AGAP1: variants seen among roughly 807,000 people sequenced by gnomAD.
The protein encoded by AGAP1 is arf-GAP with GTPase, ANK repeat and PH domain-containing protein 1.
In AGAP1, 29 loss-of-function variants were observed where a neutral mutation model predicts 105.3. The observed-to-expected ratio is 0.28, with a 90% CI of 0.21 to 0.38. The LOEUF is 0.38. AGAP1 is among the 10% of genes least tolerant of loss of function. AGAP1 has a pLI of 1.00. For missense variants in AGAP1, 998 were observed against 1,165.1 expected (o/e 0.86, Z 2.09); for synonymous variants, 509 against 485.9 (o/e 1.05, Z -0.63).
rs79577742 is a variant in AGAP1 at position 235,779,662 on chromosome 2, G to T, written c.674-18097G>T. 3.0e-3 allele frequency among the ~76,000 whole-genome samples: 455 copies of T among 152,292 alleles called. 8 individuals carry two copies. Among genetic ancestry groups the T allele is most frequent in the Admixed American group, 0.021 (326 of 15,298 alleles). On this transcript the variant is annotated intron_variant, in intron 6 of 17. Transcript: ENST00000304032. ...TTGGGGCTGAGGCTCAGACATCCCT[G>T]CCCCTGGTTTCCTTCAGGTGAGATC...
Position 235,535,649 on chromosome 2 carries a change from C to T in AGAP1, c.163+40800C>T, listed in dbSNP as rs917786165. On this transcript the variant is annotated intron_variant, in intron 1 of 17. Transcript: ENST00000304032. The surrounding 1 kb of genome is among the most constrained non-coding windows in gnomAD (Gnocchi z 5.1). Reference sequence around the variant, plus strand: ...CTGTGCCAGGCACCCGCGTCGCGCTCCAGCTCCAGCCCTTTAATGCTCTTT... The same window carrying T: ...CTGTGCCAGGCACCCGCGTCGCGCTTCAGCTCCAGCCCTTTAATGCTCTTT... Among the ~76,000 whole-genome samples the T allele has an allele frequency of 1.3e-5, 2 of 152,126 alleles. No homozygotes were observed. The highest frequency in any genetic ancestry group is 2.4e-5 in the African/African-American group (1 of 41,452).
rs1478852645 is a variant in AGAP1, at chr2:235,716,322, G to A, written c.223-1235G>A. Among the ~76,000 whole-genome samples the A allele has an allele frequency of 2.6e-5, 4 of 152,174 alleles. No individual in the cohort carries two copies. The highest frequency in any genetic ancestry group is 5.9e-5 in the Non-Finnish European group (4 of 68,032). ...GCGGAAGCCAGTGTGAGAGTTGGAAGAGAGTGTCTTAACAGCAGCTGCTGG... is the reference window on the plus strand; with the variant it reads ...GCGGAAGCCAGTGTGAGAGTTGGAAAAGAGTGTCTTAACAGCAGCTGCTGG... On this transcript the variant is annotated intron_variant, in intron 2 of 17. Coordinates refer to ENST00000304032, the MANE Select transcript of AGAP1 (RefSeq NM_001037131.3). This position sits in a 1 kb window ranked among gnomAD's most constrained non-coding sequence, Gnocchi z 4.0.
rs1335285941 is a variant in AGAP1, at chr2:235,744,352, C to G, written c.397-346C>G. On this transcript the variant is annotated intron_variant, in intron 4 of 17. Transcript: ENST00000304032. The surrounding 1 kb of genome is among the most constrained non-coding windows in gnomAD (Gnocchi z 5.2). The stretch of plus-strand genomic sequence containing the variant: ...GGCTCTGGCAGGAGGTGGGTCTGGC[C>G]TTCTGTCTGCGGGGCCGCCTTGGCA... Among the ~76,000 whole-genome samples the G allele has an allele frequency of 6.6e-6, 1 of 152,182 alleles. No individual in the cohort carries two copies. The highest frequency in any genetic ancestry group is 1.5e-5 in the Non-Finnish European group (1 of 68,046).
At chr2:235,567,080 T>C (rs1160810440) in intron 1 of AGAP1, among the ~76,000 whole-genome samples, 1 of 152,192 alleles carries the variant, frequency 6.6e-6, no homozygotes, top group Non-Finnish European at 1.5e-5. Flanking sequence ...CAGTACAAGC[T>C]TGAGCCTGGT....
At chr2:235,538,702 C>T (rs1943333777) in intron 1 of AGAP1, among the ~76,000 whole-genome samples, 1 of 152,044 alleles carries the variant, frequency 6.6e-6, no homozygotes, top group Admixed American at 6.5e-5. Flanking sequence ...CCTCCCGTTC[C>T]CATCTCCGCA....
intron 5 of AGAP1, among the ~76,000 whole-genome samples, chr2:235,745,105 G>GA (rs960588579): frequency 2.0e-5 from 3 of 150,538 alleles, no homozygotes; most frequent in African/African-American, 7.3e-5. Context: ...TTGTTTTCTG[G>GA]AAAAAAAATA....
At chr2:235,504,006 C>T (rs1355917929) in intron 1 of AGAP1, among the ~76,000 whole-genome samples, 1 of 152,182 alleles carries the variant, frequency 6.6e-6, no homozygotes, top group South Asian at 2.1e-4. Context: ...CTTGGCCTCC[C>T]AAATAGCTGG....
chr2:236,078,037 T>TTGTGTGTGTGTGTG lies in AGAP1; in HGVS notation c.2114+28780_2114+28793dup, dbSNP rs9287595. 1.5e-3 allele frequency among the ~76,000 whole-genome samples: 211 copies of TTGTGTGTGTGTGTG among 140,498 alleles called. 2 individuals carry two copies. The highest frequency in any genetic ancestry group is 2.0e-3 in the African/African-American group (76 of 37,754). 92.2% of individuals were successfully genotyped at this position (140,498 alleles called of 152,430 possible). A position where few individuals can be genotyped will look rare whatever the true frequency, so the allele number is the denominator to read the frequency against. ...AGGGTTCTCCAGAGAAACAACCAAT[T>TTGTGTGTGTGTGTG]TGTGTGTGTGTGTGTGTGTGTGTGT... On this transcript the variant is annotated intron_variant, in intron 16 of 17. Coordinates refer to ENST00000304032, the MANE Select transcript of AGAP1 (RefSeq NM_001037131.3). The surrounding 1 kb of genome is among the most constrained non-coding windows in gnomAD (Gnocchi z 5.3).
In AGAP1 at chr2:235,787,055, T is replaced by C. The variant is rs1337397397; in HGVS notation, c.674-10704T>C. Among the ~76,000 whole-genome samples, 1 of 152,226 alleles carries C rather than the reference T, an allele frequency of 6.6e-6. No individual in the cohort carries two copies. The highest frequency in any genetic ancestry group is 2.4e-5 in the African/African-American group (1 of 41,452). ...CAGCTCCTGCCACTCTGACACATACTTAGGCAGTGCTCAGAGTCGAGCTGG... is the reference window on the plus strand; with the variant it reads ...CAGCTCCTGCCACTCTGACACATACCTAGGCAGTGCTCAGAGTCGAGCTGG... On this transcript the variant is annotated intron_variant, in intron 6 of 17. Transcript: ENST00000304032. This position sits in a 1 kb window ranked among gnomAD's most constrained non-coding sequence, Gnocchi z 4.4.
rs1420543132 is a variant in AGAP1 at position 236,001,981 on chromosome 2, T to A, written c.1645+33358T>A. Among the ~76,000 whole-genome samples, 1 of 152,230 alleles carries A rather than the reference T, an allele frequency of 6.6e-6. No homozygotes were observed. The highest frequency in any genetic ancestry group is 1.9e-4 in the East Asian group (1 of 5,188). ...GGACATCTCTGCCTGATTGGAAGCT[T>A]GCGTTGCACATTCAGCCCACGCCTC... On this transcript the variant is annotated intron_variant, in intron 13 of 17. Coordinates refer to ENST00000304032, the MANE Select transcript of AGAP1 (RefSeq NM_001037131.3). This position sits in a 1 kb window ranked among gnomAD's most constrained non-coding sequence, Gnocchi z 4.7.
chr2:235,882,937 C>G lies in AGAP1; in HGVS notation c.1051-408C>G, dbSNP rs1024658866. Among the ~76,000 whole-genome samples the G allele has an allele frequency of 6.6e-6, 1 of 152,144 alleles. No homozygotes were observed. Among genetic ancestry groups the G allele is most frequent in the Non-Finnish European group, 1.5e-5 (1 of 68,022 alleles). ...AAGAGATCCTCCCACCTCAACCCCC[C>G]ACGTAACTGGGATTACAGAAGCACA... On this transcript the variant is annotated intron_variant, in intron 9 of 17. Coordinates refer to ENST00000304032, the MANE Select transcript of AGAP1 (RefSeq NM_001037131.3). The surrounding 1 kb of genome is among the most constrained non-coding windows in gnomAD (Gnocchi z 4.6).
At chr2:235,972,959 G>A (rs183519585) in intron 13 of AGAP1, among the ~76,000 whole-genome samples, 37 of 152,174 alleles carry the variant, frequency 2.4e-4, no homozygotes, top group African/African-American at 8.2e-4. Context: ...CCAGCTGTGT[G>A]CGACAAGGAC....
chr2:235,542,475 A>C (rs189736427), intron 1 of AGAP1, among the ~76,000 whole-genome samples: 2 of 152,370 alleles, frequency 1.3e-5, no homozygotes, highest in African/African-American at 4.8e-5. Flanking sequence ...TCACCGAAAA[A>C]GAAAGTCTCA....
intron 1 of AGAP1, among the ~76,000 whole-genome samples, chr2:235,626,166 G>T (rs1380476145): frequency 6.6e-6 from 1 of 150,598 alleles, no homozygotes; most frequent in Non-Finnish European, 1.5e-5. Context: ...TGGCCAACAT[G>T]ACGAAACCCC....
rs1333912475 is a variant in AGAP1 at position 236,089,603 on chromosome 2, C to A, written c.2115-30589C>A. ...GAAGTCCTTCTTTGGCACTGGAGAA[C>A]AAAGAAGAGTTTGCACAGAAGAAAA... On this transcript the variant is annotated intron_variant, in intron 16 of 17. Coordinates refer to ENST00000304032, the MANE Select transcript of AGAP1 (RefSeq NM_001037131.3). This position sits in a 1 kb window ranked among gnomAD's most constrained non-coding sequence, Gnocchi z 5.6. Among the ~76,000 whole-genome samples, 1 of 152,152 alleles carries A rather than the reference C, an allele frequency of 6.6e-6. No homozygotes were observed. Among genetic ancestry groups the A allele is most frequent in the African/African-American group, 2.4e-5 (1 of 41,442 alleles).
In AGAP1 at chr2:235,635,448, T is replaced by C. The variant is rs902942524; in HGVS notation, c.164-73731T>C. ...GAAAACAAATTACTCTGAAAATTTGTCATTTTGGTGTGGTGAATTCGTTCT... is the reference window on the plus strand; with the variant it reads ...GAAAACAAATTACTCTGAAAATTTGCCATTTTGGTGTGGTGAATTCGTTCT... On this transcript the variant is annotated intron_variant, in intron 1 of 17. Transcript: ENST00000304032. This position sits in a 1 kb window ranked among gnomAD's most constrained non-coding sequence, Gnocchi z 5.3. 6.6e-6 allele frequency among the ~76,000 whole-genome samples: 1 copy of C among 152,150 alleles called. No individual in the cohort carries two copies. The highest frequency in any genetic ancestry group is 1.5e-5 in the Non-Finnish European group (1 of 68,034).
rs867455644 is a variant in AGAP1, at chr2:235,740,111, A to G, written c.311-852A>G. Among the ~76,000 whole-genome samples the G allele has an allele frequency of 2.8e-4, 43 of 152,272 alleles. No individual in the cohort carries two copies. The highest frequency in any genetic ancestry group is 3.4e-3 in the Middle Eastern group (1 of 294). On this transcript the variant is annotated intron_variant, in intron 3 of 17. Coordinates refer to ENST00000304032, the MANE Select transcript of AGAP1 (RefSeq NM_001037131.3). The surrounding 1 kb of genome is among the most constrained non-coding windows in gnomAD (Gnocchi z 5.7). ...CAGGATCTGGAGGGGGACGTCTGTC[A>G]TTGGAGAAGGCAGAGGAGCCAGGGT... is the stretch of plus-strand genomic sequence containing the variant.
chr2:236,054,942 C>T (rs1459852436), intron 16 of AGAP1, among the ~76,000 whole-genome samples: 1 of 152,204 alleles, frequency 6.6e-6, no homozygotes, highest in African/African-American at 2.4e-5. Flanking sequence ...AATTAAAGGC[C>T]ACCCCTGTGG....
At position 235,721,329 on chromosome 2, in the gene AGAP1, A is replaced by T. The variant is rs1207529599; in HGVS notation, c.310+3685A>T. Among the ~76,000 whole-genome samples, 1 of 152,216 alleles carries T rather than the reference A, an allele frequency of 6.6e-6. No individual in the cohort carries two copies. The highest frequency in any genetic ancestry group is 1.5e-5 in the Non-Finnish European group (1 of 68,040). On this transcript the variant is annotated intron_variant, in intron 3 of 17. Coordinates refer to ENST00000304032, the MANE Select transcript of AGAP1 (RefSeq NM_001037131.3). This position sits in a 1 kb window ranked among gnomAD's most constrained non-coding sequence, Gnocchi z 4.5. ...AGCCAAGACTTAGATAATTTTAAAGATGCAGTTCAAATGAGGGAAGGATAT... is the reference window on the plus strand; with the variant it reads ...AGCCAAGACTTAGATAATTTTAAAGTTGCAGTTCAAATGAGGGAAGGATAT...
Sources: gnomAD v4.1 joint callset for allele counts (sites outside exome capture counted in the v4.1 genomes callset) on GRCh38, gnomAD v4.1.1 for gene constraint, Gnocchi (gnomAD v3.1) non-coding constraint, MANE v1.5 for transcripts, NCBI Gene and HGNC (gene_info 2026-07-23, HGNC 2026-07-21) for gene names.